Variants in ARG1 observed in about 807,000 individuals in gnomAD.
ARG1 encodes the protein arginase-1.
Under a neutral mutation model 33.0 loss-of-function variants are expected in ARG1, and 20 were observed. The ratio of observed to expected loss-of-function variants is 0.61; its 90% CI spans 0.43 to 0.88. The LOEUF (loss-of-function observed/expected upper bound fraction) is 0.88. Ranked by LOEUF, ARG1 falls within the 40% of genes least tolerant of loss-of-function variation. The pLI, the probability that ARG1 is intolerant of heterozygous loss-of-function variation, is 0.00. For missense variants in ARG1, 374 were observed against 384.7 expected, an observed-to-expected ratio of 0.97 and a Z score of 0.23; for synonymous variants, 146 against 140.6, an observed-to-expected ratio of 1.04 and a Z score of -0.27.
At chr6:131,575,223 T>TA (rs1773557020) in intron 1 of ARG1, among the ~76,000 whole-genome samples, 1 of 151,960 alleles carries the variant, frequency 6.6e-6, no homozygotes, top group Non-Finnish European at 1.5e-5. Flanking sequence ...GGGAGAAGGG[T>TA]AAAAAAGCCA....
At position 131,581,225 on chromosome 6, in the gene ARG1, A is replaced by T. The variant is rs995938048; in HGVS notation, c.312A>T (p.Ala104=). The T allele has an allele frequency of 5.6e-6, 9 of 1,613,758 alleles. No homozygotes were observed. The highest frequency in any genetic ancestry group is 7.6e-6 in the Non-Finnish European group (9 of 1,179,786). ...AAAATTTTTTCCCCAAAAGTTTGGC[A>T]ATTGGAAGCATCTCTGGCCATGCCA... is the stretch of plus-strand genomic sequence containing the variant. ...SLVLGGDHSL[A]IGSISGHARV... Residue 104 remains alanine (A), a synonymous_variant, in exon 4 of 8, where the codon GCA becomes GCT. Coordinates refer to ENST00000368087, the MANE Select transcript of ARG1 (RefSeq NM_000045.4).
chr6:131,581,333 G>A lies in ARG1; in HGVS notation c.420G>A (p.Leu140=), dbSNP rs1472997422. The change falls in exon 4 of 8, where the codon TTG becomes TTA. Residue 140 remains leucine (L), a synonymous_variant. Transcript: ENST00000368087. ...NTPLTTTSGN[L]HGQPVSFLLK... is the part of the protein sequence containing the mutation. Reference sequence around the variant, plus strand: ...CACTGACAACCACAAGTGGAAACTTGCATGGACAACCTGTATCTTTCCTCC... The same window carrying A: ...CACTGACAACCACAAGTGGAAACTTACATGGACAACCTGTATCTTTCCTCC... 3 of 1,613,858 alleles carry A rather than the reference G, an allele frequency of 1.9e-6. No homozygotes were observed. The highest frequency in any genetic ancestry group is 1.1e-5 in the South Asian group (1 of 91,054).
Position 131,576,646 on chromosome 6 carries a change from A to C in ARG1, c.58-17A>C, listed in dbSNP as rs762210089. The C allele has an allele frequency of 2.5e-6, 4 of 1,610,736 alleles. No individual in the cohort carries two copies. Among genetic ancestry groups the C allele is most frequent in the Non-Finnish European group, 3.4e-6 (4 of 1,176,958 alleles). ...GTCATGATAATGTCTGAAGTACTTT[A>C]TTTTTTAATTGTTCAGCCACGAGGA... On this transcript the variant is annotated splice_polypyrimidine_tract_variant and intron_variant, in intron 1 of 7. Coordinates refer to ENST00000368087, the MANE Select transcript of ARG1 (RefSeq NM_000045.4).
chr6:131,574,842 G>T (rs1376687956), intron 1 of ARG1, among the ~76,000 whole-genome samples: 1 of 152,088 alleles, frequency 6.6e-6, no homozygotes, highest in Non-Finnish European at 1.5e-5. Flanking sequence ...TTACAGTTGG[G>T]TTAAAAAAAA....
At chr6:131,582,046 C>T (rs1773953884) in intron 4 of ARG1, among the ~76,000 whole-genome samples, 1 of 152,064 alleles carries the variant, frequency 6.6e-6, no homozygotes, top group African/African-American at 2.4e-5. Context: ...TTTATTGATA[C>T]AATTATAATA....
chr6:131,580,224 G>C (rs1298565699), intron 3 of ARG1, among the ~76,000 whole-genome samples: 1 of 152,108 alleles, frequency 6.6e-6, no homozygotes, highest in African/African-American at 2.4e-5. Flanking sequence ...CTCTTCTAAA[G>C]CCAAACTGTC....
rs765617697 is a variant in ARG1 at position 131,581,346 on chromosome 6, G to A, written c.433G>A (p.Val145Ile). 1 of 1,613,702 alleles carries A rather than the reference G, an allele frequency of 6.2e-7. No homozygotes were observed. The change falls in exon 4 of 8, where the codon GTA (valine) becomes ATA (isoleucine). Residue 145 changes from valine (V) to isoleucine (I), a missense_variant. Val to Ile is a conservative substitution (Grantham distance 29). Transcript: ENST00000368087. ...AAGTGGAAACTTGCATGGACAACCT[G>A]TATCTTTCCTCCTGAAGGAACTAAA... Reference protein sequence around the residue: ...TTSGNLHGQPVSFLLKELKGK... With the variant: ...TTSGNLHGQPISFLLKELKGK...
intron 3 of ARG1, among the ~76,000 whole-genome samples, chr6:131,580,569 G>A: frequency 6.6e-6 from 1 of 152,168 alleles, no homozygotes; most frequent in East Asian, 1.9e-4. Flanking sequence ...TAACTTCTGT[G>A]CAAGATATCA....
At chr6:131,581,494 T>G in intron 4 of ARG1, 116 bp downstream of exon 4, 2 of 1,255,106 alleles carry the variant, frequency 1.6e-6, no homozygotes, top group Non-Finnish European at 2.2e-6. Flanking sequence ...CTCAAATCAT[T>G]TTCTCTGCAG....
chr6:131,580,678 A>G (rs1402259361), intron 3 of ARG1, among the ~76,000 whole-genome samples: 2 of 152,370 alleles, frequency 1.3e-5, no homozygotes, highest in East Asian at 3.9e-4. Flanking sequence ...GAATAGAATG[A>G]GTGAACACAC....
At chr6:131,574,142 G>T in intron 1 of ARG1, 1 of 934,072 alleles carries the variant, frequency 1.1e-6, no homozygotes, top group Non-Finnish European at 1.7e-6. Context: ...ACACGCATCT[G>T]TGCTTAAAGA....
intron 1 of ARG1, among the ~76,000 whole-genome samples, chr6:131,574,930 A>G (rs1204555566): frequency 6.6e-6 from 1 of 152,170 alleles, no homozygotes; most frequent in Non-Finnish European, 1.5e-5. Flanking sequence ...TCTGATTCCA[A>G]TGCCTATGCC....
chr6:131,577,876 C>A (rs1301028828), intron 2 of ARG1, among the ~76,000 whole-genome samples: 1 of 150,130 alleles, frequency 6.7e-6, no homozygotes, highest in Non-Finnish European at 1.5e-5. Flanking sequence ...TGCACCCCAA[C>A]CTGGGCGACA....
At chr6:131,574,189 G>T in intron 1 of ARG1, 1 of 1,319,836 alleles carries the variant, frequency 7.6e-7, no homozygotes, top group African/African-American at 1.4e-5. Flanking sequence ...ACAAGACAAT[G>T]TATGAGTTGA....
chr6:131,581,209 T>A lies in ARG1; in HGVS notation c.306-10T>A. ...AACCTGATGTTCACACAAAATTTTT[T>A]CCCCAAAAGTTTGGCAATTGGAAGC... is the stretch of plus-strand genomic sequence containing the variant. On this transcript the variant is annotated splice_polypyrimidine_tract_variant and intron_variant, in intron 3 of 7. Transcript: ENST00000368087. 6.2e-7 allele frequency: 1 copy of A among 1,613,766 alleles called. No homozygotes were observed. Among genetic ancestry groups the A allele is most frequent in the Non-Finnish European group, 8.5e-7 (1 of 1,179,732 alleles).
intron 2 of ARG1, among the ~76,000 whole-genome samples, chr6:131,577,822 T>G (rs1773695842): frequency 6.6e-6 from 1 of 151,332 alleles, no homozygotes. Context: ...GGAGAATGGC[T>G]TGAACCCGGA....
In ARG1 at chr6:131,576,832, C is replaced by T. The variant is rs2114519716; in HGVS notation, c.130+97C>T. 2.7e-6 allele frequency: 3 copies of T among 1,101,014 alleles called. 1 individual carries two copies. In the South Asian group the frequency reaches 3.9e-5, roughly 14 times the overall value. 68.2% of individuals were successfully genotyped at this position (1,101,014 alleles called of 1,614,324 possible). A position where few individuals can be genotyped will look rare whatever the true frequency, so the allele number is the denominator to read the frequency against. The stretch of plus-strand genomic sequence containing the variant: ...ACCTGGAGTGTGTCTGGAATATTTA[C>T]ATCAGAATTGCGGTACTGGTTACAA... On this transcript the variant is annotated intron_variant, in intron 2 of 7. Transcript: ENST00000368087.
intron 1 of ARG1, chr6:131,574,392 A>G: frequency 7.1e-7 from 1 of 1,403,232 alleles, no homozygotes. Context: ...ATCCTCCAAA[A>G]GTCTCTCCCA....
At chr6:131,581,117 C>A in intron 3 of ARG1, 102 bp from the exon 4 acceptor site, 1 of 1,157,768 alleles carries the variant, frequency 8.6e-7, no homozygotes, top group Non-Finnish European at 1.3e-6. Flanking sequence ...ATATCAGACA[C>A]TGTGACTCAA....
Sources: gnomAD v4.1 joint callset for allele counts (sites outside exome capture counted in the v4.1 genomes callset) on GRCh38, gnomAD v4.1.1 for gene constraint, MANE v1.5 for transcripts, NCBI Gene and HGNC (gene_info 2026-07-23, HGNC 2026-07-21) for gene names.